MAMDC2: variants seen among roughly 807,000 people sequenced by gnomAD.
The protein encoded by MAMDC2 is MAM domain-containing protein 2.
A neutral mutation model predicts 89.8 loss-of-function variants in MAMDC2; 57 were observed. That is an observed-to-expected ratio of 0.63 (90% CI 0.51 to 0.79). The LOEUF is 0.79. Ranked by LOEUF, MAMDC2 falls within the 30% of genes least tolerant of loss-of-function variation. MAMDC2 has a pLI of 0.00. For missense variants in MAMDC2, 800 were observed against 820.6 expected, an observed-to-expected ratio of 0.97 and a Z score of 0.31; for synonymous variants, 313 against 293.4, an observed-to-expected ratio of 1.07 and a Z score of -0.68.
intron 11 of MAMDC2, among the ~76,000 whole-genome samples, chr9:70,182,937 T>C (rs2032676028): frequency 6.6e-6 from 1 of 152,234 alleles, no homozygotes; most frequent in African/African-American, 2.4e-5. Context: ...TTAATTGTGA[T>C]GTTAGGGTGT....
At chr9:70,118,784 A>G (rs965517684) in intron 5 of MAMDC2, among the ~76,000 whole-genome samples, 2 of 152,228 alleles carry the variant, frequency 1.3e-5, no homozygotes, top group African/African-American at 4.8e-5. Context: ...AGAACTGCAG[A>G]GAAGGTTGAG....
At chr9:70,163,810 C>T (rs993574114) in intron 9 of MAMDC2, among the ~76,000 whole-genome samples, 1 of 151,280 alleles carries the variant, frequency 6.6e-6, no homozygotes, top group Non-Finnish European at 1.5e-5. Context: ...AAAAATTAGC[C>T]GGGTGTGGTG....
chr9:70,219,631 T>C (rs1257786267), intron 12 of MAMDC2, among the ~76,000 whole-genome samples: 1 of 152,194 alleles, frequency 6.6e-6, no homozygotes, highest in African/African-American at 2.4e-5. Flanking sequence ...AGGTGCTACA[T>C]TGTTAAAGAG....
At chr9:70,145,104 C>T (rs777486622) in intron 9 of MAMDC2, among the ~76,000 whole-genome samples, 29 of 152,222 alleles carry the variant, frequency 1.9e-4, no homozygotes, top group Non-Finnish European at 3.7e-4. Context: ...TCTAATACCT[C>T]TAGCAGAGTA....
intron 11 of MAMDC2, among the ~76,000 whole-genome samples, chr9:70,189,278 C>T (rs150576255): frequency 7.2e-4 from 109 of 151,970 alleles, no homozygotes; most frequent in African/African-American, 2.6e-3. Flanking sequence ...TCCTAAGTTC[C>T]CTTTTGTTTT....
chr9:70,175,322 T>C (rs1272465907), intron 11 of MAMDC2, among the ~76,000 whole-genome samples: 1 of 152,144 alleles, frequency 6.6e-6, no homozygotes, highest in Non-Finnish European at 1.5e-5. Flanking sequence ...TGATAAGTGG[T>C]CAAATCCTGG....
intron 8 of MAMDC2, 118 bp downstream of exon 8, chr9:70,140,406 C>A: frequency 1.9e-6 from 2 of 1,063,344 alleles, no homozygotes; most frequent in Non-Finnish European, 2.7e-6. Context: ...TGTGAAGAAG[C>A]AAAGACAATC....
chr9:70,061,992 G>T (rs1203139191), intron 2 of MAMDC2, among the ~76,000 whole-genome samples: 2 of 152,052 alleles, frequency 1.3e-5, no homozygotes, highest in Non-Finnish European at 2.9e-5. Context: ...ATGGGATTCA[G>T]CTGTAATGGT....
chr9:70,127,821 G>A (rs956204751), intron 6 of MAMDC2, among the ~76,000 whole-genome samples: 7 of 152,202 alleles, frequency 4.6e-5, no homozygotes, highest in Non-Finnish European at 7.3e-5. Context: ...TTTGGGTTAC[G>A]AGGAGGAAAA....
At chr9:70,138,592 T>C (rs2031086937) in intron 7 of MAMDC2, among the ~76,000 whole-genome samples, 1 of 152,220 alleles carries the variant, frequency 6.6e-6, no homozygotes, top group Non-Finnish European at 1.5e-5. Flanking sequence ...TTTTTAATAA[T>C]AGCCATTCTG....
chr9:70,170,294 A>G, intron 10 of MAMDC2, 185 bp from the exon 11 acceptor site: 1 of 493,962 alleles, frequency 2.0e-6, no homozygotes, highest in South Asian at 4.4e-5. Flanking sequence ...CTGTGGCAGG[A>G]CCCGCAGTGG....
chr9:70,051,159 C>T (rs1231041826), intron 2 of MAMDC2, among the ~76,000 whole-genome samples: 2 of 151,906 alleles, frequency 1.3e-5, no homozygotes, highest in African/African-American at 4.9e-5. Flanking sequence ...GACCCCTCCA[C>T]TTGAGATTTA....
At chr9:70,088,970 C>T (rs1377787718) in intron 2 of MAMDC2, 1 of 152,094 alleles carries the variant, frequency 6.6e-6, no homozygotes, top group African/African-American at 2.4e-5. Context: ...GTGCTGGGCA[C>T]TTTCCATGCA....
intron 4 of MAMDC2, 73 bp downstream of exon 4, chr9:70,109,877 G>T (rs1299169507): frequency 7.2e-6 from 9 of 1,246,418 alleles, no homozygotes; most frequent in Non-Finnish European, 9.4e-6. Flanking sequence ...AGAGGGAACT[G>T]AATCAATCCT....
At chr9:70,068,403 A>G (rs925964619) in intron 2 of MAMDC2, among the ~76,000 whole-genome samples, 3 of 151,916 alleles carry the variant, frequency 2.0e-5, no homozygotes, top group African/African-American at 7.3e-5. Context: ...GGAGGCAGGG[A>G]CCTTTTCTTC....
At chr9:70,208,876 C>T (rs1244658120) in intron 11 of MAMDC2, among the ~76,000 whole-genome samples, 2 of 152,156 alleles carry the variant, frequency 1.3e-5, no homozygotes, top group African/African-American at 2.4e-5. Context: ...TTTTCTGTGT[C>T]TATTGAGATA....
At chr9:70,202,228 T>A (rs9696027) in intron 11 of MAMDC2, among the ~76,000 whole-genome samples, 1 of 146,990 alleles carries the variant, frequency 6.8e-6, no homozygotes, top group Non-Finnish European at 1.5e-5. Flanking sequence ...GCTTTGAATG[T>A]GTCCCAGAGA....
At chr9:70,213,684 G>T (rs545232692) in intron 11 of MAMDC2, among the ~76,000 whole-genome samples, 2 of 152,196 alleles carry the variant, frequency 1.3e-5, no homozygotes, top group Admixed American at 6.5e-5. Context: ...ATCATTGAAT[G>T]TGCAAAACCC....
At chr9:70,067,376 C>T (rs1177494093) in intron 2 of MAMDC2, among the ~76,000 whole-genome samples, 1 of 152,070 alleles carries the variant, frequency 6.6e-6, no homozygotes, top group African/African-American at 2.4e-5. Flanking sequence ...CTCCCTGTCC[C>T]TCATCTGTGG....
Sources: gnomAD v4.1 joint callset for allele counts (sites outside exome capture counted in the v4.1 genomes callset) on GRCh38, gnomAD v4.1.1 for gene constraint, MANE v1.5 for transcripts, NCBI Gene and HGNC (gene_info 2026-07-23, HGNC 2026-07-21) for gene names.